Variants in ZCCHC7 observed in about 807,000 individuals in gnomAD.
ZCCHC7 encodes the protein zinc finger CCHC domain-containing protein 7.
ZCCHC7 carries 35 observed loss-of-function variants against 52.0 expected under a neutral mutation model. That is an observed-to-expected ratio of 0.67 (90% CI 0.51 to 0.89). The LOEUF (loss-of-function observed/expected upper bound fraction) is 0.89. Ranked by LOEUF, ZCCHC7 falls within the 40% of genes least tolerant of loss-of-function variation. The pLI is 0.00. For missense variants in ZCCHC7, 574 were observed against 649.1 expected (o/e 0.88, Z 1.26); for synonymous variants, 217 against 221.5 (o/e 0.98, Z 0.18).
At chr9:37,346,619 G>A in intron 6 of ZCCHC7, among the ~76,000 whole-genome samples, 1 of 152,154 alleles carries the variant, frequency 6.6e-6, no homozygotes, top group East Asian at 1.9e-4. Flanking sequence ...GTGTTGTGGT[G>A]AGCTGAGATT....
intron 2 of ZCCHC7, among the ~76,000 whole-genome samples, chr9:37,280,136 G>T (rs1325870902): frequency 2.7e-5 from 4 of 150,536 alleles, no homozygotes; most frequent in Non-Finnish European, 4.4e-5. Flanking sequence ...GCGAGACTCC[G>T]TCTCAAAAAA....
chr9:37,282,444 A>G (rs918984758), intron 2 of ZCCHC7, among the ~76,000 whole-genome samples: 4 of 151,896 alleles, frequency 2.6e-5, no homozygotes, highest in African/African-American at 9.7e-5. Flanking sequence ...CTCTACTAAA[A>G]ATACACAAAA....
At chr9:37,135,283 T>TA (rs1842953076) in intron 2 of ZCCHC7, among the ~76,000 whole-genome samples, 1 of 152,222 alleles carries the variant, frequency 6.6e-6, no homozygotes, top group African/African-American at 2.4e-5. Context: ...GTTACAGTCT[T>TA]AAAATATATT....
intron 2 of ZCCHC7, among the ~76,000 whole-genome samples, chr9:37,195,800 C>G (rs900135974): frequency 5.3e-5 from 8 of 152,090 alleles, no homozygotes; most frequent in African/African-American, 1.7e-4. Flanking sequence ...TGAGGAGTAA[C>G]TTATACTAGG....
At chr9:37,260,332 G>A (rs573255547) in intron 2 of ZCCHC7, among the ~76,000 whole-genome samples, 13 of 152,156 alleles carry the variant, frequency 8.5e-5, no homozygotes, top group Non-Finnish European at 1.2e-4. Context: ...TGTTGTCCAC[G>A]TCTGTCCCAG....
intron 2 of ZCCHC7, among the ~76,000 whole-genome samples, chr9:37,134,084 C>T (rs770677252): frequency 6.6e-6 from 1 of 152,084 alleles, no homozygotes; most frequent in Non-Finnish European, 1.5e-5. Flanking sequence ...AAACAAATTC[C>T]CGGTAATTCT....
rs1473989941 is a variant in ZCCHC7, at chr9:37,133,778, G to A, written c.610+6836G>A. On this transcript the variant is annotated intron_variant, in intron 2 of 8. Coordinates refer to ENST00000336755, the MANE Select transcript of ZCCHC7 (RefSeq NM_032226.3). ...TAATTTTTGTATTTTTAGTAGAAAC[G>A]GGGTTTCACCATGTTGGCCAGGCTG... Among the ~76,000 whole-genome samples, 4 of 152,048 alleles carry A rather than the reference G, an allele frequency of 2.6e-5. No individual in the cohort carries two copies. The East Asian group carries it at 7.7e-4, about 29-fold the overall frequency.
At chr9:37,134,412 C>G (rs1459891045) in intron 2 of ZCCHC7, among the ~76,000 whole-genome samples, 1 of 152,160 alleles carries the variant, frequency 6.6e-6, no homozygotes, top group Non-Finnish European at 1.5e-5. Flanking sequence ...CAGATTTTCT[C>G]TCTGTTGTTA....
intron 7 of ZCCHC7, among the ~76,000 whole-genome samples, chr9:37,351,116 A>G (rs1173967894): frequency 1.3e-5 from 2 of 152,084 alleles, no homozygotes; most frequent in Admixed American, 6.5e-5. Context: ...CCATAAACAG[A>G]TAAAGTTTAT....
intron 2 of ZCCHC7, among the ~76,000 whole-genome samples, chr9:37,228,735 A>G (rs1825244883): frequency 6.6e-6 from 1 of 151,964 alleles, no homozygotes; most frequent in African/African-American, 2.4e-5. Context: ...ATGAATATAA[A>G]CATGAATGCT....
intron 2 of ZCCHC7, among the ~76,000 whole-genome samples, chr9:37,200,334 G>A (rs1465475046): frequency 1.3e-5 from 2 of 151,926 alleles, no homozygotes; most frequent in Non-Finnish European, 2.9e-5. Flanking sequence ...GCCTCATTTT[G>A]TGCTTAATTT....
At chr9:37,172,417 G>T (rs553852492) in intron 2 of ZCCHC7, among the ~76,000 whole-genome samples, 1 of 152,204 alleles carries the variant, frequency 6.6e-6, no homozygotes, top group South Asian at 2.1e-4. Flanking sequence ...TCCCCCCATT[G>T]TCTTACGCAT....
At chr9:37,316,182 C>T (rs1157303231) in intron 5 of ZCCHC7, among the ~76,000 whole-genome samples, 1 of 152,016 alleles carries the variant, frequency 6.6e-6, no homozygotes, top group Non-Finnish European at 1.5e-5. Context: ...GCCTCAGCCT[C>T]CCAAGTACCT....
intron 1 of ZCCHC7, among the ~76,000 whole-genome samples, chr9:37,125,752 T>TA: frequency 6.6e-6 from 1 of 152,276 alleles, no homozygotes; most frequent in East Asian, 1.9e-4. Context: ...TCGTTTACAA[T>TA]ATACCTGTGA....
At position 37,304,411 on chromosome 9, in the gene ZCCHC7, T is replaced by C; in HGVS notation, c.780+98T>C. 5 of 1,435,658 alleles carry C rather than the reference T, an allele frequency of 3.5e-6. No individual in the cohort carries two copies. The South Asian group carries it at 6.7e-5, about 19-fold the overall frequency. 88.9% of individuals were successfully genotyped at this position (1,435,658 alleles called of 1,614,324 possible). A position where few individuals can be genotyped will look rare whatever the true frequency, so the allele number is the denominator to read the frequency against. ...GCTCATGCCTGTAATCCCAGCACTT[T>C]GGGAAGCCGAGGCAGGTGGATCATG... is the stretch of plus-strand genomic sequence containing the variant. On this transcript the variant is annotated intron_variant, in intron 4 of 8. Transcript: ENST00000336755.
At chr9:37,228,779 C>T (rs1031544399) in intron 2 of ZCCHC7, among the ~76,000 whole-genome samples, 3 of 150,550 alleles carry the variant, frequency 2.0e-5, no homozygotes, top group Non-Finnish European at 4.4e-5. Flanking sequence ...AAATATATTT[C>T]TGCATACTTC....
chr9:37,165,271 G>A (rs1821356133), intron 2 of ZCCHC7, among the ~76,000 whole-genome samples: 1 of 151,038 alleles, frequency 6.6e-6, no homozygotes, highest in Admixed American at 6.6e-5. Flanking sequence ...TATCACCTGG[G>A]AATAAAAAAG....
chr9:37,319,918 C>T (rs527657831), intron 5 of ZCCHC7, among the ~76,000 whole-genome samples: 1 of 152,294 alleles, frequency 6.6e-6, no homozygotes, highest in South Asian at 2.1e-4. Flanking sequence ...GATTTTGCAT[C>T]TTTGTCAAAG....
At position 37,303,651 on chromosome 9, in the gene ZCCHC7, A is replaced by C. The variant is rs1417500590; in HGVS notation, c.655-537A>C. Among the ~76,000 whole-genome samples the C allele has an allele frequency of 2.8e-4, 30 of 106,748 alleles. No individual in the cohort carries two copies. The East Asian group carries it at 4.2e-3, about 15-fold the overall frequency. 70.0% of individuals were successfully genotyped at this position (106,748 alleles called of 152,430 possible). On this transcript the variant is annotated intron_variant, in intron 3 of 8. Transcript: ENST00000336755. ...ATGGCACCTCCTTTTATGTTTTTCTACCTCTTTTTTTTTTTTTTTTTTTTT... is the reference window on the plus strand; with the variant it reads ...ATGGCACCTCCTTTTATGTTTTTCTCCCTCTTTTTTTTTTTTTTTTTTTTT...
Sources: allele counts gnomAD v4.1 joint callset (sites outside exome capture counted in the v4.1 genomes callset), GRCh38; gene constraint gnomAD v4.1.1; transcripts MANE v1.5; gene names NCBI Gene and HGNC (gene_info 2026-07-23, HGNC 2026-07-21).